Variants in RYR2 observed in about 807,000 individuals in gnomAD.
RYR2 encodes cardiac muscle ryanodine receptor-calcium release channel.
RYR2 carries 227 observed loss-of-function variants against 601.1 expected under a neutral mutation model. That is an observed-to-expected ratio of 0.38 (90% CI 0.34 to 0.42). The LOEUF (loss-of-function observed/expected upper bound fraction) is 0.42. Among genes scored for constraint, RYR2 ranks in the 10% least tolerant of loss-of-function variants. The probability of loss-of-function intolerance (pLI) is 1.00; values close to 1 mark genes in which losing one functional copy is unlikely to be tolerated. For synonymous variants in RYR2, 2,223 were observed against 2,175.1 expected (o/e 1.02, Z -0.61); for missense variants, 4,646 against 6,156.5 (o/e 0.75, Z 8.21).
At chr1:237,201,028 C>T (rs1681134970) in intron 1 of RYR2, among the ~76,000 whole-genome samples, 2 of 152,164 alleles carry the variant, frequency 1.3e-5, no homozygotes, top group Admixed American at 6.5e-5. Flanking sequence ...ACTTCTATTC[C>T]TTCTGCTGTG....
intron 12 of RYR2, among the ~76,000 whole-genome samples, chr1:237,431,676 A>G (rs1706817854): frequency 6.6e-6 from 1 of 151,862 alleles, no homozygotes; most frequent in East Asian, 1.9e-4. Flanking sequence ...TCTTTTTTGG[A>G]AGTTGTACTA....
chr1:237,331,501 A>ATTTTTTTTTTTTTTTTTTTT (rs1696709590), intron 3 of RYR2, among the ~76,000 whole-genome samples: 1 of 150,488 alleles, frequency 6.6e-6, no homozygotes, highest in African/African-American at 2.5e-5. Flanking sequence ...GAAAATTGAA[A>ATTTTTTTTTTTTTTTTTTTT]TTTTTCTTTT....
At chr1:237,253,324 A>G (rs1436958077) in intron 1 of RYR2, among the ~76,000 whole-genome samples, 1 of 152,254 alleles carries the variant, frequency 6.6e-6, no homozygotes, top group African/African-American at 2.4e-5. Flanking sequence ...CCCACCACTC[A>G]TGCTGGAAAA....
At chr1:237,804,313 C>T (rs1207739649) in intron 98 of RYR2, among the ~76,000 whole-genome samples, 1 of 151,608 alleles carries the variant, frequency 6.6e-6, no homozygotes, top group African/African-American at 2.4e-5. Flanking sequence ...TTAGTCTTAC[C>T]TCAGTGTGCT....
rs1049563071 is a variant in RYR2, at chr1:237,244,292, C to G, written c.49-26205C>G. Among the ~76,000 whole-genome samples, 3 of 152,104 alleles carry G rather than the reference C, an allele frequency of 2.0e-5. No homozygotes were observed. The East Asian group carries it at 5.8e-4, about 29-fold the overall frequency. On this transcript the variant is annotated intron_variant, in intron 1 of 104. Transcript: ENST00000366574. ...CATTCAGTGCATCTTTGCTTCCAGT[C>G]TGATTTTGATACGGGAGTTCAGAAG...
In RYR2 at chr1:237,355,999, T is replaced by A. The variant is rs1571955772; in HGVS notation, c.294+14T>A. 6.2e-7 allele frequency: 1 copy of A among 1,605,656 alleles called. No homozygotes were observed. Among genetic ancestry groups the A allele is most frequent in the East Asian group, 2.2e-5 (1 of 44,662 alleles). Reference sequence around the variant, plus strand: ...GTGGAAAAATGGGTATGTGTTTCCATGTATTTGCAAAGAAATTGTGATCTA... The same window carrying A: ...GTGGAAAAATGGGTATGTGTTTCCAAGTATTTGCAAAGAAATTGTGATCTA... On this transcript the variant is annotated intron_variant, in intron 4 of 104. Transcript: ENST00000366574.
intron 56 of RYR2, among the ~76,000 whole-genome samples, chr1:237,662,801 C>T (rs1336607609): frequency 1.3e-5 from 2 of 152,138 alleles, no homozygotes; most frequent in African/African-American, 2.4e-5. Context: ...AAATATTAGG[C>T]GATGCTTGTG....
At chr1:237,553,056 T>C (rs1035531889) in intron 27 of RYR2, among the ~76,000 whole-genome samples, 4 of 152,088 alleles carry the variant, frequency 2.6e-5, no homozygotes, top group African/African-American at 7.2e-5. Context: ...ACTTTCTTAA[T>C]GAGGTCTTTC....
rs539062748 is a variant in RYR2, at chr1:237,212,016, G to A, written c.49-58481G>A. On this transcript the variant is annotated intron_variant, in intron 1 of 104. Coordinates refer to ENST00000366574, the MANE Select transcript of RYR2 (RefSeq NM_001035.3). ...AAAGATACTTGGAAATTTTATGATA[G>A]TGTTATAATCTCCTTGGCAGATGGC... is the stretch of plus-strand genomic sequence containing the variant. Among the ~76,000 whole-genome samples the A allele has an allele frequency of 7.2e-5, 11 of 152,240 alleles. No individual in the cohort carries two copies. In the South Asian group the frequency reaches 2.1e-3, roughly 29 times the overall value.
intron 37 of RYR2, among the ~76,000 whole-genome samples, chr1:237,615,375 C>T (rs1238199889): frequency 2.6e-5 from 4 of 151,762 alleles, no homozygotes; most frequent in Non-Finnish European, 4.4e-5. Flanking sequence ...TATTTTTAGT[C>T]GAAATGAGGT....
chr1:237,061,254 A>T (rs974319947), intron 1 of RYR2, among the ~76,000 whole-genome samples: 1 of 26,860 alleles, frequency 3.7e-5, no homozygotes, highest in Non-Finnish European at 9.4e-5. Flanking sequence ...TCTATCTATC[A>T]TCTATCTATC....
intron 1 of RYR2, among the ~76,000 whole-genome samples, chr1:237,129,196 C>A (rs1396957177): frequency 6.6e-6 from 1 of 152,224 alleles, no homozygotes; most frequent in Non-Finnish European, 1.5e-5. Context: ...GGTATTCCTG[C>A]TTCTGCCATT....
intron 71 of RYR2, among the ~76,000 whole-genome samples, chr1:237,715,019 A>G (rs1337063626): frequency 6.7e-6 from 1 of 148,696 alleles, no homozygotes. Context: ...AAAAAAAAAA[A>G]AAAAGGGCTC....
intron 45 of RYR2, 115 bp from the exon 46 acceptor site, chr1:237,638,900 T>C: frequency 8.2e-7 from 1 of 1,220,246 alleles, no homozygotes; most frequent in Non-Finnish European, 1.2e-6. Flanking sequence ...GCTTTATTAG[T>C]ATATTGTTGG....
intron 1 of RYR2, among the ~76,000 whole-genome samples, chr1:237,097,580 T>TGC: frequency 6.6e-6 from 1 of 152,314 alleles, no homozygotes; most frequent in African/African-American, 2.4e-5. Context: ...CATGACACCA[T>TGC]CTTCCAGTAT....
At chr1:237,275,484 A>T (rs776506403) in intron 2 of RYR2, among the ~76,000 whole-genome samples, 2 of 148,378 alleles carry the variant, frequency 1.3e-5, no homozygotes, top group Non-Finnish European at 2.9e-5. Context: ...CTTTGAGACA[A>T]AGAAGGATTT....
rs6703841 is a variant in RYR2 at position 237,819,924 on chromosome 1, C to T, written c.14590+732C>T. On this transcript the variant is annotated intron_variant, in intron 101 of 104. Coordinates refer to ENST00000366574, the MANE Select transcript of RYR2 (RefSeq NM_001035.3). The surrounding 1 kb of genome is among the most constrained non-coding windows in gnomAD (Gnocchi z 4.0). ...CATACAGGCCAGGCGCAGGGGCTCACGCCTGTAATCCCAGCACTTTGAGAG... is the reference window on the plus strand; with the variant it reads ...CATACAGGCCAGGCGCAGGGGCTCATGCCTGTAATCCCAGCACTTTGAGAG... 0.06 allele frequency among the ~76,000 whole-genome samples: 9,149 copies of T among 152,006 alleles called. 897 individuals are homozygous for T. The highest frequency in any genetic ancestry group is 0.21 in the African/African-American group (8,622 of 41,426).
At chr1:237,677,136 A>G (rs1356451827) in intron 60 of RYR2, among the ~76,000 whole-genome samples, 1 of 152,144 alleles carries the variant, frequency 6.6e-6, no homozygotes. Context: ...AATTTGATAA[A>G]CTATTATCTC....
At chr1:237,139,443 A>G (rs1673148331) in intron 1 of RYR2, among the ~76,000 whole-genome samples, 2 of 152,160 alleles carry the variant, frequency 1.3e-5, no homozygotes, top group Admixed American at 1.3e-4. Flanking sequence ...ATGTCCTTAA[A>G]TTGATTGTGG....
Sources: gnomAD v4.1 joint callset for allele counts (sites outside exome capture counted in the v4.1 genomes callset) on GRCh38, gnomAD v4.1.1 for gene constraint, Gnocchi (gnomAD v3.1) non-coding constraint, MANE v1.5 for transcripts, NCBI Gene and HGNC (gene_info 2026-07-23, HGNC 2026-07-21) for gene names.